Variants in RANBP2 observed in about 807,000 individuals in gnomAD.
RANBP2 encodes E3 SUMO-protein ligase RanBP2.
Under a neutral mutation model 303.6 loss-of-function variants are expected in RANBP2, and 57 were observed. That is an observed-to-expected ratio of 0.19 (90% CI 0.15 to 0.23). RANBP2 has a LOEUF of 0.23. RANBP2 is among the 10% of genes least tolerant of loss of function. The probability of loss-of-function intolerance (pLI) is 1.00; values close to 1 mark genes in which losing one functional copy is unlikely to be tolerated. For synonymous variants in RANBP2, 1,167 were observed against 1,301.5 expected (o/e 0.90, Z 2.23); for missense variants, 3,138 against 3,780.8 (o/e 0.83, Z 4.46).
chr2:109,585,676 A>G, the RANBP2 span: 34 of 1,274,478 alleles, frequency 2.7e-5, 2 homozygotes, highest in African/African-American at 2.6e-4. Context: ...AGTGAGCACA[A>G]GGAATATGAA....
chr2:109,564,484 A>C, the RANBP2 span: 1 of 1,575,288 alleles, frequency 6.3e-7, no homozygotes, highest in Non-Finnish European at 8.7e-7. Context: ...ATATTTGTAC[A>C]AATGAGCATT....
At chr2:108,864,687 G>C in the RANBP2 span, among the ~76,000 whole-genome samples, 1 of 151,996 alleles carries the variant, frequency 6.6e-6, no homozygotes, top group Non-Finnish European at 1.5e-5. Context: ...CCAGCTACTC[G>C]GGAGGCTGAG....
chr2:109,291,759 C>T, the RANBP2 span, among the ~76,000 whole-genome samples: 1,214 of 152,350 alleles, frequency 8.0e-3, 11 homozygotes, highest in East Asian at 0.037. Flanking sequence ...GGAACCTGAA[C>T]TTGGTAAGGT....
chr2:109,144,482 G>A, the RANBP2 span, among the ~76,000 whole-genome samples: 1 of 152,310 alleles, frequency 6.6e-6, no homozygotes, highest in South Asian at 2.1e-4. Context: ...GAAGGCTCAC[G>A]CCCAGCTGTG....
chr2:109,526,381 C>T, the RANBP2 span, among the ~76,000 whole-genome samples: 4 of 152,146 alleles, frequency 2.6e-5, no homozygotes, highest in Non-Finnish European at 4.4e-5. Flanking sequence ...GATCTCAGCT[C>T]GCTGCAACCT....
At chr2:109,697,664 T>C in the RANBP2 span, among the ~76,000 whole-genome samples, 2 of 152,290 alleles carry the variant, frequency 1.3e-5, no homozygotes, top group South Asian at 4.1e-4. Flanking sequence ...TAGACAATCA[T>C]GCCATCTGCA....
the RANBP2 span, among the ~76,000 whole-genome samples, chr2:108,851,107 G>A: frequency 6.6e-6 from 1 of 152,076 alleles, no homozygotes; most frequent in Admixed American, 6.5e-5. Flanking sequence ...ATAGAACTCA[G>A]CGAAACACTT....
At chr2:109,084,987 G>A in the RANBP2 span, among the ~76,000 whole-genome samples, 2 of 152,194 alleles carry the variant, frequency 1.3e-5, no homozygotes, top group Non-Finnish European at 2.9e-5. Context: ...CTGACCTGGT[G>A]AACCTTGGGC....
chr2:108,777,822 T>C (rs1193333809), intron 25 of RANBP2, among the ~76,000 whole-genome samples: 1 of 152,158 alleles, frequency 6.6e-6, no homozygotes, highest in Non-Finnish European at 1.5e-5. Context: ...TTCACATTGC[T>C]CTTTATAGCA....
At chr2:109,057,816 G>A in the RANBP2 span, among the ~76,000 whole-genome samples, 3 of 152,172 alleles carry the variant, frequency 2.0e-5, no homozygotes, top group South Asian at 2.1e-4. Context: ...GCCAGCTTGC[G>A]GTGGTTACTC....
the RANBP2 span, among the ~76,000 whole-genome samples, chr2:109,566,441 C>T: frequency 2.6e-5 from 4 of 151,636 alleles, no homozygotes; most frequent in South Asian, 2.1e-4. Flanking sequence ...CACACCTGGC[C>T]GAAAAAGAAT....
the RANBP2 span, among the ~76,000 whole-genome samples, chr2:109,581,914 C>T: frequency 6.6e-6 from 1 of 152,198 alleles, no homozygotes; most frequent in Non-Finnish European, 1.5e-5. Flanking sequence ...AATTTCATAC[C>T]TAGACAACTC....
chr2:109,426,624 T>A, the RANBP2 span, among the ~76,000 whole-genome samples: 2 of 152,180 alleles, frequency 1.3e-5, no homozygotes, highest in Non-Finnish European at 2.9e-5. Flanking sequence ...GGGAACATCA[T>A]TGAAATGACA....
the RANBP2 span, among the ~76,000 whole-genome samples, chr2:109,402,989 A>G: frequency 6.6e-6 from 1 of 152,042 alleles, no homozygotes; most frequent in Non-Finnish European, 1.5e-5. Context: ...TGCAGTTGAT[A>G]CACAGTCAGG....
the RANBP2 span, among the ~76,000 whole-genome samples, chr2:109,415,394 C>G: frequency 6.6e-6 from 1 of 152,184 alleles, no homozygotes; most frequent in Non-Finnish European, 1.5e-5. Flanking sequence ...AAGCATTGTT[C>G]CAGGGGGAGT....
chr2:109,045,956 T>A, the RANBP2 span, among the ~76,000 whole-genome samples: 1 of 152,094 alleles, frequency 6.6e-6, no homozygotes, highest in African/African-American at 2.4e-5. Flanking sequence ...AAATAAAACA[T>A]CTACACGTCT....
At chr2:109,414,308 C>T in the RANBP2 span, among the ~76,000 whole-genome samples, 2 of 152,228 alleles carry the variant, frequency 1.3e-5, no homozygotes, top group African/African-American at 4.8e-5. Context: ...CTCCAGCTGT[C>T]TAGACCATGC....
At chr2:109,076,519 A>G in the RANBP2 span, among the ~76,000 whole-genome samples, 1 of 150,484 alleles carries the variant, frequency 6.6e-6, no homozygotes. Context: ...TAATAATTCC[A>G]TTTAAAAATC....
At chr2:108,816,944 G>T in the RANBP2 span, among the ~76,000 whole-genome samples, 3 of 152,154 alleles carry the variant, frequency 2.0e-5, no homozygotes, top group African/African-American at 7.2e-5. Context: ...CATTCCTCCT[G>T]CCTTGGCCTC....
Sources: gnomAD v4.1 joint callset for allele counts (sites outside exome capture counted in the v4.1 genomes callset) on GRCh38, gnomAD v4.1.1 for gene constraint, MANE v1.5 for transcripts, NCBI Gene and HGNC (gene_info 2026-07-23, HGNC 2026-07-21) for gene names.